AP2B1: variants seen among roughly 807,000 people sequenced by gnomAD.
AP2B1 encodes the protein AP-2 complex subunit beta.
A neutral mutation model predicts 102.0 loss-of-function variants in AP2B1; 23 were observed. That is an observed-to-expected ratio of 0.23 (90% confidence interval 0.16 to 0.32). AP2B1 has a LOEUF of 0.32. AP2B1 is among the 10% of genes least tolerant of loss of function. The pLI is 1.00. For synonymous variants in AP2B1, 381 were observed against 421.2 expected (o/e 0.90, Z 1.17); for missense variants, 541 against 1,157.4 (o/e 0.47, Z 7.73).
chr17:35,594,365 A>G (rs182183447), intron 2 of AP2B1, among the ~76,000 whole-genome samples: 1 of 152,356 alleles, frequency 6.6e-6, no homozygotes, highest in East Asian at 1.9e-4. Context: ...AGGACAAAAG[A>G]AGCAGCATAC....
At chr17:35,594,134 C>A in intron 2 of AP2B1, 67 bp downstream of exon 2, 1 of 1,091,204 alleles carries the variant, frequency 9.2e-7, no homozygotes, top group Non-Finnish European at 1.3e-6. Context: ...TTGCCCCAGG[C>A]AGAATGCTGC....
intron 5 of AP2B1, among the ~76,000 whole-genome samples, chr17:35,622,484 T>C (rs770553762): frequency 3.3e-5 from 5 of 152,228 alleles, no homozygotes; most frequent in Non-Finnish European, 7.3e-5. Flanking sequence ...ATAGCTAGAT[T>C]GTAGTCATTA....
At chr17:35,710,956 C>T (rs1329842251) in intron 20 of AP2B1, among the ~76,000 whole-genome samples, 1 of 152,134 alleles carries the variant, frequency 6.6e-6, no homozygotes, top group African/African-American at 2.4e-5. Flanking sequence ...CCCTGTGCCA[C>T]CTTTCATATG....
chr17:35,659,940 C>T, intron 14 of AP2B1: 1 of 985,352 alleles, frequency 1.0e-6, no homozygotes, highest in Non-Finnish European at 1.2e-6. Flanking sequence ...ACAAGGAAGA[C>T]CTAAATTTGC....
chr17:35,634,173 G>T (rs879378843), intron 9 of AP2B1, among the ~76,000 whole-genome samples: 5 of 152,082 alleles, frequency 3.3e-5, no homozygotes, highest in Non-Finnish European at 7.4e-5. Flanking sequence ...TTTGAATAAT[G>T]TGTCTCTTAA....
intron 10 of AP2B1, among the ~76,000 whole-genome samples, chr17:35,636,784 A>G (rs1374494935): frequency 6.6e-6 from 1 of 152,242 alleles, no homozygotes; most frequent in Non-Finnish European, 1.5e-5. Context: ...ATCTCAGTTT[A>G]TACCTGTTAT....
chr17:35,663,400 T>C (rs1008370653), intron 14 of AP2B1, among the ~76,000 whole-genome samples: 1 of 152,250 alleles, frequency 6.6e-6, no homozygotes, highest in Non-Finnish European at 1.5e-5. Context: ...GACCCCATTT[T>C]ACAGAAAACT....
At chr17:35,657,086 C>T (rs2075248159) in intron 13 of AP2B1, among the ~76,000 whole-genome samples, 1 of 152,220 alleles carries the variant, frequency 6.6e-6, no homozygotes, top group South Asian at 2.1e-4. Flanking sequence ...GGTAGTTCCT[C>T]ATAAAACCAT....
At chr17:35,632,113 C>G (rs1202758522) in intron 9 of AP2B1, among the ~76,000 whole-genome samples, 1 of 147,854 alleles carries the variant, frequency 6.8e-6, no homozygotes. Flanking sequence ...ACTTCTATGG[C>G]AATGATTTTG....
At chr17:35,678,116 C>T (rs2075741547) in intron 17 of AP2B1, among the ~76,000 whole-genome samples, 1 of 152,130 alleles carries the variant, frequency 6.6e-6, no homozygotes, top group African/African-American at 2.4e-5. Flanking sequence ...TGCCCTTGGC[C>T]TCCCAAAGTG....
chr17:35,720,541 T>TTTTATATA (rs1175137394), intron 21 of AP2B1, among the ~76,000 whole-genome samples: 21 of 105,238 alleles, frequency 2.0e-4, no homozygotes, highest in Non-Finnish European at 3.4e-4. Context: ...TATTTTTATT[T>TTTTATATA]TATTTATATA....
At chr17:35,713,558 T>C (rs1568044730) in intron 20 of AP2B1, among the ~76,000 whole-genome samples, 1 of 152,158 alleles carries the variant, frequency 6.6e-6, no homozygotes, top group East Asian at 1.9e-4. Context: ...AAAAATACCA[T>C]CCTTTCCAGC....
At chr17:35,605,631 T>A in intron 3 of AP2B1, 74 bp from the exon 4 acceptor site, 1 of 1,002,718 alleles carries the variant, frequency 1.0e-6, no homozygotes, top group Non-Finnish European at 1.5e-6. Context: ...TAGTTAAGGC[T>A]ATTCATGTTC....
chr17:35,590,928 A>C (rs1223581049), intron 1 of AP2B1, among the ~76,000 whole-genome samples: 1 of 152,168 alleles, frequency 6.6e-6, no homozygotes, highest in Admixed American at 6.5e-5. Context: ...TAATCCCAGC[A>C]CTTTGGGAGG....
chr17:35,635,795 C>G (rs1339126298), intron 9 of AP2B1, among the ~76,000 whole-genome samples: 1 of 152,146 alleles, frequency 6.6e-6, no homozygotes, highest in Non-Finnish European at 1.5e-5. Flanking sequence ...CTCCCAGATG[C>G]AAGCAATTCT....
chr17:35,656,500 G>A (rs995145773), intron 13 of AP2B1, among the ~76,000 whole-genome samples: 4 of 152,112 alleles, frequency 2.6e-5, no homozygotes, highest in Non-Finnish European at 5.9e-5. Context: ...ACTTCAGTCC[G>A]TTATACACAC....
rs187514340 is a variant in AP2B1 at position 35,621,092 on chromosome 17, G to A, written c.526-3305G>A. Among the ~76,000 whole-genome samples, 693 of 152,286 alleles carry A rather than the reference G, an allele frequency of 4.6e-3. 4 individuals are homozygous for A. The highest frequency in any genetic ancestry group is 0.024 in the Middle Eastern group (7 of 294). On this transcript the variant is annotated intron_variant, in intron 5 of 21. Coordinates refer to ENST00000610402, the MANE Select transcript of AP2B1 (RefSeq NM_001030006.2). ...TTATTGTCTAGAGAAGACTCTGGAG[G>A]AAGAGGAAGTAAATCTTGAGTTTCA...
At chr17:35,635,083 G>A (rs564524272) in intron 9 of AP2B1, among the ~76,000 whole-genome samples, 2 of 152,048 alleles carry the variant, frequency 1.3e-5, no homozygotes, top group African/African-American at 2.4e-5. Context: ...GCATAGTCTC[G>A]CTCTGTCGGC....
intron 5 of AP2B1, among the ~76,000 whole-genome samples, chr17:35,617,569 A>C (rs1231980421): frequency 6.6e-6 from 1 of 152,196 alleles, no homozygotes; most frequent in Non-Finnish European, 1.5e-5. Context: ...TAAATCTAAG[A>C]GTACTACTTA....
Sources: gnomAD v4.1 joint callset for allele counts (sites outside exome capture counted in the v4.1 genomes callset) on GRCh38, gnomAD v4.1.1 for gene constraint, MANE v1.5 for transcripts, NCBI Gene and HGNC (gene_info 2026-07-23, HGNC 2026-07-21) for gene names.